The following TXNDC16 variants were observed in gnomAD, a reference collection of about 807,000 sequenced individuals.
TXNDC16 encodes thioredoxin domain-containing protein 16.
Under a neutral mutation model 85.6 loss-of-function variants are expected in TXNDC16, and 74 were observed. The ratio of observed to expected loss-of-function variants is 0.86; its 90% CI spans 0.72 to 1.05. The LOEUF is 1.05. Among genes scored for constraint, TXNDC16 ranks in the 50% least tolerant of loss-of-function variants. TXNDC16 has a pLI of 0.00. For missense variants in TXNDC16, 959 were observed against 947.0 expected, an observed-to-expected ratio of 1.01 and a Z score of -0.17; for synonymous variants, 335 against 326.5, an observed-to-expected ratio of 1.03 and a Z score of -0.28.
chr14:52,440,625 CT>C lies in TXNDC16; in HGVS notation c.1941del (p.Ala648GlnfsTer3). 6.2e-7 allele frequency: 1 copy of C among 1,609,528 alleles called. No individual in the cohort carries two copies. The highest frequency in any genetic ancestry group is 1.7e-5 in the Admixed American group (1 of 59,130). On this transcript the variant is annotated frameshift_variant, in exon 19 of 21. Coordinates refer to ENST00000281741, the MANE Select transcript of TXNDC16 (RefSeq NM_020784.3). LOFTEE classifies it high-confidence loss of function. ...SDGTVNPQYK[K>X]AILTLVKQKY... ...TTCTGCTTTACCAGTGTCAATATTG[CT>C]TTTTTATACTGAGGATTTACAGTGC...
At position 52,482,831 on chromosome 14, in the gene TXNDC16, A is replaced by C; in HGVS notation, c.1243T>G (p.Tyr415Asp). ...VMASDSIVLF[Y>D]AGWQAVSMAF... is the part of the protein sequence containing the mutation. ...AAAGGCTCATACTCACAACCAGCAT[A>C]GAAGAGTACTATGCTGTCAGAAGCC... is the stretch of plus-strand genomic sequence containing the variant. The change falls in exon 13 of 21, where the codon TAT (tyrosine) becomes GAT (aspartate). Residue 415 changes from tyrosine (Y) to aspartate (D), a missense_variant. Transcript: ENST00000281741. 1 of 1,607,454 alleles carries C rather than the reference A, an allele frequency of 6.2e-7. No homozygotes were observed. The highest frequency in any genetic ancestry group is 8.5e-7 in the Non-Finnish European group (1 of 1,178,186).
chr14:52,525,125 G>A (rs1374590426), intron 6 of TXNDC16, among the ~76,000 whole-genome samples: 2 of 151,646 alleles, frequency 1.3e-5, no homozygotes, highest in Non-Finnish European at 2.9e-5. Context: ...TAAAAAAAAA[G>A]AATGGCCTTT....
At chr14:52,519,098 T>C (rs2037149669) in intron 7 of TXNDC16, 74 bp downstream of exon 7, 4 of 1,399,256 alleles carry the variant, frequency 2.9e-6, no homozygotes, top group East Asian at 4.7e-5. Context: ...GTCAAAAAAA[T>C]ACACTATTTT....
chr14:52,517,762 T>C (rs929477440), intron 7 of TXNDC16, among the ~76,000 whole-genome samples: 3 of 152,176 alleles, frequency 2.0e-5, no homozygotes, highest in Non-Finnish European at 4.4e-5. Flanking sequence ...CTCGTTAACA[T>C]ACAAATATGC....
chr14:52,534,175 T>C (rs77459438), intron 6 of TXNDC16, among the ~76,000 whole-genome samples: 6,040 of 152,216 alleles, frequency 0.04, 128 homozygotes, highest in African/African-American at 0.051. Context: ...CCTAAACTTA[T>C]ACAGAGGGAA....
In TXNDC16 at chr14:52,470,277, A is replaced by G. The variant is rs148187061; in HGVS notation, c.1482-104T>C. On this transcript the variant is annotated intron_variant, in intron 15 of 20. Transcript: ENST00000281741. ...AGCAAACAATATATTACATAGGATA[A>G]TATCTTACAAAATATAGAAAATTAA... 7.4e-4 allele frequency: 706 copies of G among 952,918 alleles called. 2 individuals carry two copies. In the African/African-American group the frequency reaches 9.5e-3, roughly 13 times the overall value. The allele number at this position is 952,918 out of a possible 1,614,324, so 59.0% of individuals were successfully genotyped here. A position where few individuals can be genotyped will look rare whatever the true frequency, so the allele number is the denominator to read the frequency against.
intron 16 of TXNDC16, among the ~76,000 whole-genome samples, chr14:52,457,399 C>G (rs1037740463): frequency 1.4e-4 from 21 of 152,058 alleles, no homozygotes; most frequent in African/African-American, 5.1e-4. Flanking sequence ...ACATGGCTTC[C>G]AAAACAAATG....
intron 9 of TXNDC16, among the ~76,000 whole-genome samples, chr14:52,493,921 C>A (rs1447890559): frequency 6.6e-6 from 1 of 151,950 alleles, no homozygotes; most frequent in Admixed American, 6.6e-5. Context: ...GCTGGGACTA[C>A]AGGCATGCAT....
chr14:52,527,797 G>A (rs1176974844), intron 6 of TXNDC16, among the ~76,000 whole-genome samples: 2 of 152,124 alleles, frequency 1.3e-5, no homozygotes, highest in Admixed American at 6.6e-5. Flanking sequence ...AGACTCACAA[G>A]TAGGGTAACA....
In TXNDC16 at chr14:52,502,037, C is replaced by T. The variant is rs553813101; in HGVS notation, c.756+9203G>A. Among the ~76,000 whole-genome samples, 8 of 152,264 alleles carry T rather than the reference C, an allele frequency of 5.3e-5. No homozygotes were observed. The East Asian group carries it at 5.8e-4, about 11-fold the overall frequency. ...CTCTGTTCTGGTCTATGAAAGTCCA[C>T]GAATCTGTGCTTCTAGGCCTCACTC... On this transcript the variant is annotated intron_variant, in intron 9 of 20. Coordinates refer to ENST00000281741, the MANE Select transcript of TXNDC16 (RefSeq NM_020784.3).
At chr14:52,472,096 C>T (rs2035920303) in intron 14 of TXNDC16, among the ~76,000 whole-genome samples, 1 of 151,350 alleles carries the variant, frequency 6.6e-6, no homozygotes, top group Admixed American at 6.6e-5. Flanking sequence ...TGTATATTTT[C>T]AAAGATTCTT....
intron 6 of TXNDC16, among the ~76,000 whole-genome samples, chr14:52,532,122 T>C (rs1395210815): frequency 1.3e-5 from 2 of 151,996 alleles, no homozygotes; most frequent in East Asian, 1.9e-4. Context: ...AAGAACACAA[T>C]AGGGAAATTC....
At chr14:52,501,022 A>G (rs2036646011) in intron 9 of TXNDC16, among the ~76,000 whole-genome samples, 1 of 152,198 alleles carries the variant, frequency 6.6e-6, no homozygotes, top group South Asian at 2.1e-4. Context: ...CAACAGGACA[A>G]TAATTGAACC....
chr14:52,479,576 A>AT (rs1353180138), intron 14 of TXNDC16, among the ~76,000 whole-genome samples: 2 of 151,848 alleles, frequency 1.3e-5, no homozygotes, highest in African/African-American at 4.8e-5. Context: ...GCTGCAAAAA[A>AT]AAAAAATAAT....
intron 1 of TXNDC16, among the ~76,000 whole-genome samples, chr14:52,546,505 T>C (rs1356689025): frequency 6.6e-6 from 1 of 152,102 alleles, no homozygotes; most frequent in Admixed American, 6.6e-5. Flanking sequence ...CTGTGGCCAA[T>C]AAAATGTGAG....
chr14:52,483,732 C>T (rs1173836069), intron 12 of TXNDC16, among the ~76,000 whole-genome samples: 1 of 152,168 alleles, frequency 6.6e-6, no homozygotes, highest in Non-Finnish European at 1.5e-5. Context: ...TTTAGATAGA[C>T]CAATCAATAG....
At chr14:52,482,791 A>G in intron 13 of TXNDC16, 31 bp downstream of exon 13, 1 of 1,555,248 alleles carries the variant, frequency 6.4e-7, no homozygotes, top group Non-Finnish European at 8.6e-7. Flanking sequence ...ATGTCCTAAT[A>G]TGTAACAGTC....
At chr14:52,472,172 G>A (rs570650382) in intron 14 of TXNDC16, among the ~76,000 whole-genome samples, 134 of 151,040 alleles carry the variant, frequency 8.9e-4, no homozygotes, top group African/African-American at 2.7e-3. Flanking sequence ...GATAATATAG[G>A]CAAGATTTAG....
At chr14:52,488,554 G>A (rs1056528840) in intron 11 of TXNDC16, 68 bp from the exon 12 acceptor site, 12 of 1,340,682 alleles carry the variant, frequency 9.0e-6, no homozygotes, top group Non-Finnish European at 1.1e-5. Context: ...GTTTTACTTG[G>A]GCCAGGTGTG....
Sources: gnomAD v4.1 joint callset for allele counts (sites outside exome capture counted in the v4.1 genomes callset) on GRCh38, gnomAD v4.1.1 for gene constraint, MANE v1.5 for transcripts, NCBI Gene and HGNC (gene_info 2026-07-23, HGNC 2026-07-21) for gene names.